Variants in WDPCP observed in about 807,000 individuals in gnomAD.
WDPCP encodes WD repeat-containing and planar cell polarity effector protein fritz homolog.
In WDPCP, 71 loss-of-function variants were observed where a neutral mutation model predicts 93.1. The observed-to-expected ratio is 0.76, with a 90% CI of 0.63 to 0.93. The LOEUF (loss-of-function observed/expected upper bound fraction) is 0.93, where lower values mean the gene tolerates loss of function less well. Ranked by LOEUF, WDPCP falls within the 40% of genes least tolerant of loss-of-function variation. The pLI is 0.00. For missense variants in WDPCP, 844 were observed against 887.4 expected (o/e 0.95, Z 0.62); for synonymous variants, 315 against 315.0 (o/e 1.00, Z 0.00).
rs539703969 is a variant in WDPCP, at chr2:63,608,533, T to C, written n.488+42126A>G. 1.1e-4 allele frequency among the ~76,000 whole-genome samples: 17 copies of C among 152,272 alleles called. No homozygotes were observed. In the South Asian group the frequency reaches 3.5e-3, roughly 32 times the overall value. On this transcript the variant is annotated intron_variant and non_coding_transcript_variant, in intron 3 of 4. Transcript: ENST00000467687. ...AGTACTCTTCATGGATGCTCAAATA[T>C]TTGTTGGTTGGACTTATTTAAAATT...
At chr2:63,355,370 G>A (rs1239852734) in intron 12 of WDPCP, among the ~76,000 whole-genome samples, 1 of 152,112 alleles carries the variant, frequency 6.6e-6, no homozygotes, top group Non-Finnish European at 1.5e-5. Flanking sequence ...AAGTGAATGA[G>A]AAATAAGATC....
intron 3 of WDPCP, among the ~76,000 whole-genome samples, chr2:63,604,009 A>C (rs1039004521): frequency 3.4e-4 from 52 of 152,344 alleles, no homozygotes; most frequent in African/African-American, 1.2e-3. Context: ...ATGTGATTGC[A>C]AGGCATTGCA....
intron 2 of WDPCP, among the ~76,000 whole-genome samples, chr2:63,697,551 T>C (rs575814436): frequency 6.6e-6 from 1 of 152,374 alleles, no homozygotes; most frequent in Admixed American, 6.5e-5. Flanking sequence ...TTGCCTGCCA[T>C]GGTGTTAATA....
chr2:63,365,025 G>A (rs1467875404), intron 12 of WDPCP, among the ~76,000 whole-genome samples: 1 of 152,198 alleles, frequency 6.6e-6, no homozygotes, highest in Non-Finnish European at 1.5e-5. Flanking sequence ...TTACAAAGAT[G>A]AGAGGCAGGT....
intron 13 of WDPCP, among the ~76,000 whole-genome samples, chr2:63,292,113 A>G (rs1237112614): frequency 1.4e-5 from 2 of 143,244 alleles, no homozygotes; most frequent in Non-Finnish European, 3.0e-5. Context: ...AGCCTGGGCG[A>G]CAGAGCAAGA....
At chr2:63,124,199 CTG>C (rs894122926) in intron 17 of WDPCP, among the ~76,000 whole-genome samples, 7 of 150,632 alleles carry the variant, frequency 4.6e-5, no homozygotes, top group African/African-American at 1.7e-4. Context: ...TGGATAAACA[CTG>C]TAGAATTGGT....
At chr2:63,643,787 T>G (rs142802867) in intron 3 of WDPCP, 1 of 539,546 alleles carries the variant, frequency 1.9e-6, no homozygotes, top group Non-Finnish European at 3.8e-6. Flanking sequence ...ATGACATCCA[T>G]GAATCCAAGC....
Position 63,174,637 on chromosome 2 carries a change from A to G in WDPCP, c.2078+33T>C, listed in dbSNP as rs779754761. 1.6e-5 allele frequency: 25 copies of G among 1,612,512 alleles called. 1 individual carries two copies. In the South Asian group the frequency reaches 2.1e-4, roughly 13 times the overall value. ...TTGAACAGGTAATACTAAATACTTT[A>G]TGGAGCAATTTCCTCAGTTCAACAT... On this transcript the variant is annotated intron_variant, in intron 15 of 17. Transcript: ENST00000272321.
At chr2:63,838,499 T>G in the WDPCP span, among the ~76,000 whole-genome samples, 2 of 152,174 alleles carry the variant, frequency 1.3e-5, no homozygotes, top group African/African-American at 4.8e-5. Context: ...TCTTTCTAAT[T>G]CACAATCCAT....
intron 2 of WDPCP, among the ~76,000 whole-genome samples, chr2:63,681,632 C>T (rs765917046): frequency 2.6e-5 from 4 of 152,200 alleles, no homozygotes; most frequent in Non-Finnish European, 5.9e-5. Context: ...GGGAAGGACA[C>T]AGGCCTGGCT....
At chr2:63,695,946 A>T (rs529522083) in intron 2 of WDPCP, among the ~76,000 whole-genome samples, 1 of 152,278 alleles carries the variant, frequency 6.6e-6, no homozygotes, top group African/African-American at 2.4e-5. Context: ...CTTGATAGAA[A>T]CAAAGACCCC....
chr2:63,398,936 G>A (rs1299725686), intron 10 of WDPCP, among the ~76,000 whole-genome samples: 1 of 152,120 alleles, frequency 6.6e-6, no homozygotes, highest in Non-Finnish European at 1.5e-5. Flanking sequence ...TTTAGTAGCA[G>A]ATCATAAGAA....
the WDPCP span, among the ~76,000 whole-genome samples, chr2:63,835,835 G>A: frequency 6.6e-6 from 1 of 151,940 alleles, no homozygotes; most frequent in East Asian, 1.9e-4. Flanking sequence ...CCAAAAAGCA[G>A]TCCTGAGAAT....
intron 2 of WDPCP, chr2:63,752,406 T>G: frequency 3.9e-6 from 3 of 762,272 alleles, no homozygotes; most frequent in South Asian, 1.3e-5. Flanking sequence ...CCATCCACCT[T>G]GTGTGGCCTT....
rs1223129386 is a variant in WDPCP, at chr2:63,121,746, A to C, written c.*260T>G. On this transcript the variant is annotated 3_prime_UTR_variant, in exon 18 of 18. Transcript: ENST00000272321. Reference sequence around the variant, plus strand: ...TTTTGTAGCACCTAATTAACATACAATTTAAGACACTTTCAAAATTTTACA... The same window carrying C: ...TTTTGTAGCACCTAATTAACATACACTTTAAGACACTTTCAAAATTTTACA... The C allele has an allele frequency of 1.2e-6, 1 of 869,110 alleles. No homozygotes were observed. The highest frequency in any genetic ancestry group is 1.6e-6 in the Non-Finnish European group (1 of 625,770). The allele number at this position is 869,110 out of a possible 1,614,324, so 53.8% of individuals were successfully genotyped here.
chr2:63,725,989 ACTGT>A (rs950704995), intron 2 of WDPCP, among the ~76,000 whole-genome samples: 1 of 151,940 alleles, frequency 6.6e-6, no homozygotes, highest in African/African-American at 2.4e-5. Flanking sequence ...CATTCTGTAA[ACTGT>A]CTGCTTACTC....
At chr2:63,226,435 T>A (rs1678296891) in intron 14 of WDPCP, among the ~76,000 whole-genome samples, 1 of 151,966 alleles carries the variant, frequency 6.6e-6, no homozygotes, top group Non-Finnish European at 1.5e-5. Context: ...TTTAAGGTAT[T>A]GTTTTCAAGA....
At chr2:63,212,991 C>A (rs1228301764) in intron 14 of WDPCP, among the ~76,000 whole-genome samples, 1 of 152,158 alleles carries the variant, frequency 6.6e-6, no homozygotes, top group African/African-American at 2.4e-5. Flanking sequence ...TAGAGACCTA[C>A]AAAGAGACTT....
intron 14 of WDPCP, among the ~76,000 whole-genome samples, chr2:63,223,938 C>T (rs1484882442): frequency 6.6e-6 from 1 of 152,044 alleles, no homozygotes; most frequent in Non-Finnish European, 1.5e-5. Flanking sequence ...TTACTATAGA[C>T]TTGTAAAAGT....
Sources: gnomAD v4.1 joint callset for allele counts (sites outside exome capture counted in the v4.1 genomes callset) on GRCh38, gnomAD v4.1.1 for gene constraint, MANE v1.5 for transcripts, NCBI Gene and HGNC (gene_info 2026-07-23, HGNC 2026-07-21) for gene names.